The following STK32C variants were observed in gnomAD, a reference collection of about 807,000 sequenced individuals.
STK32C encodes serine/threonine kinase 32C, also known as serine/threonine-protein kinase 32C.
In STK32C, 31 loss-of-function variants were observed where a neutral mutation model predicts 56.5. The ratio of observed to expected loss-of-function variants is 0.55; its 90% CI spans 0.41 to 0.74. The LOEUF is 0.74. STK32C is among the 30% of genes least tolerant of loss of function. The pLI is 0.00. For missense variants in STK32C, 544 were observed against 676.9 expected, an observed-to-expected ratio of 0.80 and a Z score of 2.18; for synonymous variants, 309 against 289.4, an observed-to-expected ratio of 1.07 and a Z score of -0.69.
At chr10:132,263,224 C>T (rs1224844986) in intron 1 of STK32C, among the ~76,000 whole-genome samples, 3 of 152,122 alleles carry the variant, frequency 2.0e-5, no homozygotes, top group Non-Finnish European at 4.4e-5. Context: ...ATAAAGAAAA[C>T]GCAGTACCTA....
In STK32C at chr10:132,307,813, G is replaced by C. The variant is rs1259458953; in HGVS notation, c.21C>G (p.Arg7=). The C allele has an allele frequency of 1.9e-6, 2 of 1,052,980 alleles. No individual in the cohort carries two copies. The highest frequency in any genetic ancestry group is 2.3e-6 in the Non-Finnish European group (2 of 871,784). The allele number at this position is 1,052,980 out of a possible 1,614,324, so 65.2% of individuals were successfully genotyped here. A position where few individuals can be genotyped will look rare whatever the true frequency, so the allele number is the denominator to read the frequency against. ...GGGACGCCGCGGCGCTGCTGCCCCT[G>C]CGCTCGGCGCCACTCCTCATCGCCG... MRSGAE[R]RGSSAAASPG... is the part of the protein sequence containing the mutation. Residue 7 remains arginine, a synonymous_variant, in exon 1 of 12, where the codon CGC becomes CGG. Transcript: ENST00000298630. The surrounding 1 kb of genome is among the most constrained non-coding windows in gnomAD (Gnocchi z 4.4).
chr10:132,262,818 T>G (rs2064349933), intron 1 of STK32C, among the ~76,000 whole-genome samples: 1 of 145,616 alleles, frequency 6.9e-6, no homozygotes, highest in South Asian at 2.1e-4. Context: ...CAGATCCAAA[T>G]GGCCAACAAG....
At chr10:132,274,432 A>G (rs914115676) in intron 1 of STK32C, among the ~76,000 whole-genome samples, 3 of 152,188 alleles carry the variant, frequency 2.0e-5, no homozygotes, top group African/African-American at 2.4e-5. Flanking sequence ...TCACAGAGAA[A>G]TTTTCGTATG....
chr10:132,292,846 T>C (rs530153787), intron 1 of STK32C, among the ~76,000 whole-genome samples: 6 of 152,040 alleles, frequency 3.9e-5, no homozygotes, highest in Admixed American at 6.5e-5. Context: ...TCTCACCCTC[T>C]GGAGATGGCA....
chr10:132,285,746 C>T (rs1424516683), intron 1 of STK32C, among the ~76,000 whole-genome samples: 1 of 152,228 alleles, frequency 6.6e-6, no homozygotes, highest in Non-Finnish European at 1.5e-5. Context: ...TAGATTGCAT[C>T]ATTCCCCTCT....
intron 1 of STK32C, among the ~76,000 whole-genome samples, chr10:132,305,498 A>C (rs1361694059): frequency 6.6e-6 from 1 of 152,234 alleles, no homozygotes; most frequent in Non-Finnish European, 1.5e-5. Context: ...CAGATTCAGT[A>C]AACTCGAGAC....
chr10:132,243,398 G>A (rs567561036), intron 2 of STK32C, among the ~76,000 whole-genome samples: 1 of 152,172 alleles, frequency 6.6e-6, no homozygotes, highest in Non-Finnish European at 1.5e-5. Context: ...CGGGGGTGGA[G>A]AGTGGGCTGG....
intron 1 of STK32C, among the ~76,000 whole-genome samples, chr10:132,317,843 T>C (rs2066334815): frequency 6.6e-6 from 1 of 151,384 alleles, no homozygotes; most frequent in Non-Finnish European, 1.5e-5. Flanking sequence ...CCGGGCATGG[T>C]GGTGTGTGCC....
At chr10:132,276,690 G>T (rs1780937255) in intron 1 of STK32C, among the ~76,000 whole-genome samples, 1 of 152,188 alleles carries the variant, frequency 6.6e-6, no homozygotes, top group Admixed American at 6.5e-5. Flanking sequence ...AGGAGACTGG[G>T]GCGGGAGGAT....
chr10:132,312,016 A>AT (rs992700825), upstream of STK32C, among the ~76,000 whole-genome samples: 7 of 151,878 alleles, frequency 4.6e-5, no homozygotes, highest in African/African-American at 7.3e-5. Flanking sequence ...CCAGCTCAAG[A>AT]TTTTTTTTGA....
intron 2 of STK32C, among the ~76,000 whole-genome samples, chr10:132,242,601 C>A (rs1293156994): frequency 2.0e-5 from 3 of 152,174 alleles, no homozygotes; most frequent in Non-Finnish European, 2.9e-5. Flanking sequence ...ACAGCCCCCG[C>A]TGCTTCTCCG....
intron 2 of STK32C, among the ~76,000 whole-genome samples, chr10:132,244,901 C>T (rs1001565711): frequency 4.6e-5 from 7 of 152,178 alleles, no homozygotes; most frequent in Non-Finnish European, 5.9e-5. Context: ...CCAGCCTCAC[C>T]AGCAACAAAA....
chr10:132,276,778 C>G (rs552803352), intron 1 of STK32C, among the ~76,000 whole-genome samples: 2 of 147,488 alleles, frequency 1.4e-5, no homozygotes, highest in African/African-American at 4.9e-5. Context: ...AGAGCAAGAC[C>G]CTGCCTCAAA....
In STK32C at chr10:132,225,126, C is replaced by T. The variant is rs2062838586; in HGVS notation, c.876+107G>A. On this transcript the variant is annotated intron_variant, in intron 7 of 11. Coordinates refer to ENST00000298630, the MANE Select transcript of STK32C (RefSeq NM_173575.4). ...CGTGACTCCTCAGACACAGTGGAGA[C>T]ATCCCTGCGCACCTGGACACTGGGG... The T allele has an allele frequency of 1.9e-5, 15 of 802,758 alleles. No individual in the cohort carries two copies. The South Asian group carries it at 2.7e-4, about 14-fold the overall frequency. The allele number at this position is 802,758 out of a possible 1,614,324, so 49.7% of individuals were successfully genotyped here. A position where few individuals can be genotyped will look rare whatever the true frequency, so the allele number is the denominator to read the frequency against.
intron 10 of STK32C, among the ~76,000 whole-genome samples, chr10:132,219,917 A>G (rs986257342): frequency 6.6e-6 from 1 of 152,116 alleles, no homozygotes; most frequent in Non-Finnish European, 1.5e-5. Flanking sequence ...GACATCCACC[A>G]CAGGCTCAGG....
intron 1 of STK32C, among the ~76,000 whole-genome samples, chr10:132,296,018 G>C (rs924118616): frequency 1.1e-4 from 16 of 151,076 alleles, no homozygotes; most frequent in Admixed American, 2.6e-4. Flanking sequence ...GGGGGAAAGG[G>C]GACGTCATGG....
In STK32C at chr10:132,269,216, G is replaced by A. The variant is rs557252939; in HGVS notation, c.263-23261C>T. On this transcript the variant is annotated intron_variant, in intron 1 of 11. Coordinates refer to ENST00000298630, the MANE Select transcript of STK32C (RefSeq NM_173575.4). ...CTGTGTGTGCATGCATGTGCCTGTGGGTGCAGCTCTGTGCATGTGTCTGTG... is the reference window on the plus strand; with the variant it reads ...CTGTGTGTGCATGCATGTGCCTGTGAGTGCAGCTCTGTGCATGTGTCTGTG... 4.7e-5 allele frequency among the ~76,000 whole-genome samples: 7 copies of A among 148,044 alleles called. No homozygotes were observed. The East Asian group carries it at 1.2e-3, about 25-fold the overall frequency.
At chr10:132,274,607 G>GC (rs1205539849) in intron 1 of STK32C, among the ~76,000 whole-genome samples, 1 of 152,200 alleles carries the variant, frequency 6.6e-6, no homozygotes, top group Non-Finnish European at 1.5e-5. Flanking sequence ...AGCCTCCCCT[G>GC]CCCTCAGCCC....
At chr10:132,219,278 T>C (rs1008863451) in intron 10 of STK32C, among the ~76,000 whole-genome samples, 7 of 152,190 alleles carry the variant, frequency 4.6e-5, no homozygotes, top group African/African-American at 1.7e-4. Context: ...TGGGACTTTT[T>C]TTTTGGAGTG....
Sources: gnomAD v4.1 joint callset for allele counts (sites outside exome capture counted in the v4.1 genomes callset) on GRCh38, gnomAD v4.1.1 for gene constraint, Gnocchi (gnomAD v3.1) non-coding constraint, MANE v1.5 for transcripts, NCBI Gene and HGNC (gene_info 2026-07-23, HGNC 2026-07-21) for gene names.